Variants in SMYD3 observed in about 807,000 individuals in gnomAD.
The protein encoded by SMYD3 is SET and MYND domain containing 3, also known as histone-lysine N-methyltransferase SMYD3.
Under a neutral mutation model 57.7 loss-of-function variants are expected in SMYD3, and 36 were observed. The observed-to-expected ratio is 0.62, with a 90% CI of 0.48 to 0.82. The LOEUF (loss-of-function observed/expected upper bound fraction) is 0.82, where lower values mean the gene tolerates loss of function less well. SMYD3 is among the 40% of genes least tolerant of loss of function. The pLI, the probability that SMYD3 is intolerant of heterozygous loss-of-function variation, is 0.00. For missense variants in SMYD3, 515 were observed against 538.8 expected (o/e 0.96, Z 0.44); for synonymous variants, 211 against 195.0 (o/e 1.08, Z -0.68).
chr1:245,956,834 A>G (rs938265636), intron 5 of SMYD3, among the ~76,000 whole-genome samples: 15 of 152,204 alleles, frequency 9.9e-5, no homozygotes, highest in African/African-American at 3.4e-4. Context: ...TTTGTCTCTC[A>G]CTATGCCATC....
At position 246,457,426 on chromosome 1, in the gene SMYD3, G is replaced by A. The variant is rs572468191; in HGVS notation, c.164+49628C>T. On this transcript the variant is annotated intron_variant, in intron 1 of 11. Coordinates refer to ENST00000490107, the MANE Select transcript of SMYD3 (RefSeq NM_001167740.2). Reference sequence around the variant, plus strand: ...CAGGCACCTGTAATCCCAGCTAATCGGGAGGCTGAGGCAGGAGAATCACTT... The same window carrying A: ...CAGGCACCTGTAATCCCAGCTAATCAGGAGGCTGAGGCAGGAGAATCACTT... Among the ~76,000 whole-genome samples, 10 of 151,230 alleles carry A rather than the reference G, an allele frequency of 6.6e-5. No homozygotes were observed. The East Asian group carries it at 1.8e-3, about 27-fold the overall frequency.
chr1:246,368,805 T>A (rs1402240307), intron 1 of SMYD3, among the ~76,000 whole-genome samples: 1 of 152,206 alleles, frequency 6.6e-6, no homozygotes, highest in Admixed American at 6.5e-5. Flanking sequence ...ACCTACACCT[T>A]TCTCCCATGC....
rs1005174967 is a variant in SMYD3, at chr1:245,788,184, G to A, written c.1077-24035C>T. ...GGTGACCAGACTAGCACAGGGAACA[G>A]GGCAAGGAGAATGGTGACCAGATTA... On this transcript the variant is annotated intron_variant, in intron 10 of 11. Coordinates refer to ENST00000490107, the MANE Select transcript of SMYD3 (RefSeq NM_001167740.2). Among the ~76,000 whole-genome samples the A allele has an allele frequency of 1.3e-5, 2 of 151,966 alleles. 1 individual carries two copies. The highest frequency in any genetic ancestry group is 4.2e-4 in the South Asian group (2 of 4,812).
At chr1:245,813,758 T>C (rs111580208) in intron 10 of SMYD3, among the ~76,000 whole-genome samples, 7 of 152,162 alleles carry the variant, frequency 4.6e-5, no homozygotes, top group African/African-American at 1.7e-4. Context: ...AAGGGACTAG[T>C]GGAGGAGCTG....
chr1:246,323,321 G>A (rs1351008638), intron 5 of SMYD3, among the ~76,000 whole-genome samples: 3 of 152,162 alleles, frequency 2.0e-5, no homozygotes, highest in African/African-American at 7.2e-5. Context: ...GCTAAGAAGT[G>A]GGGTGAAAAG....
chr1:246,500,571 G>A (rs969701301), intron 1 of SMYD3, among the ~76,000 whole-genome samples: 1 of 152,208 alleles, frequency 6.6e-6, no homozygotes, highest in Non-Finnish European at 1.5e-5. Flanking sequence ...TCCTGAAGAT[G>A]TGTTGCCATT....
intron 1 of SMYD3, among the ~76,000 whole-genome samples, chr1:246,442,077 C>T (rs1019441138): frequency 2.0e-5 from 3 of 152,204 alleles, no homozygotes; most frequent in African/African-American, 7.2e-5. Context: ...AATTTATTCA[C>T]CACCATGAAC....
intron 5 of SMYD3, among the ~76,000 whole-genome samples, chr1:246,000,742 C>T (rs971946580): frequency 6.6e-6 from 1 of 152,188 alleles, no homozygotes; most frequent in African/African-American, 2.4e-5. Flanking sequence ...GCCTACAAGC[C>T]TTACACTCAT....
chr1:246,495,705 C>A (rs2068350177), intron 1 of SMYD3, among the ~76,000 whole-genome samples: 2 of 152,022 alleles, frequency 1.3e-5, no homozygotes, highest in Admixed American at 6.6e-5. Flanking sequence ...CTTTGGGAGG[C>A]CAAGGCAGGG....
chr1:246,274,252 C>T (rs2064285925), intron 5 of SMYD3, among the ~76,000 whole-genome samples: 1 of 152,184 alleles, frequency 6.6e-6, no homozygotes, highest in Non-Finnish European at 1.5e-5. Flanking sequence ...TGTTAGAGAA[C>T]ATATCGTGAG....
intron 5 of SMYD3, among the ~76,000 whole-genome samples, chr1:246,236,789 G>T (rs1440084180): frequency 6.6e-6 from 1 of 152,182 alleles, no homozygotes; most frequent in Admixed American, 6.5e-5. Flanking sequence ...TGGGACTACA[G>T]GTGTGAGCCA....
At chr1:245,952,981 A>T (rs2057712779) in intron 5 of SMYD3, among the ~76,000 whole-genome samples, 1 of 152,196 alleles carries the variant, frequency 6.6e-6, no homozygotes, top group South Asian at 2.1e-4. Flanking sequence ...AAAATACTAG[A>T]TTCCAAACAG....
intron 5 of SMYD3, among the ~76,000 whole-genome samples, chr1:245,994,779 A>C (rs1320496548): frequency 6.6e-6 from 1 of 151,824 alleles, no homozygotes; most frequent in African/African-American, 2.4e-5. Context: ...GAGACTGAGA[A>C]AGTAAGAGAT....
chr1:246,166,578 C>T (rs1431196456), intron 5 of SMYD3, among the ~76,000 whole-genome samples: 1 of 152,100 alleles, frequency 6.6e-6, no homozygotes, highest in Non-Finnish European at 1.5e-5. Flanking sequence ...GCTGTTGGTT[C>T]CTGGAGTCTC....
At chr1:246,213,861 C>G (rs1022719751) in intron 5 of SMYD3, among the ~76,000 whole-genome samples, 2 of 152,170 alleles carry the variant, frequency 1.3e-5, no homozygotes, top group Admixed American at 1.3e-4. Flanking sequence ...ACAGTTCTTT[C>G]TCTTCCTTCA....
At chr1:245,791,519 G>A (rs2047264623) in intron 10 of SMYD3, among the ~76,000 whole-genome samples, 1 of 151,654 alleles carries the variant, frequency 6.6e-6, no homozygotes, top group Non-Finnish European at 1.5e-5. Context: ...GAACAGAGCT[G>A]TGGAGCACGG....
chr1:246,485,551 GC>G (rs1461520089), intron 1 of SMYD3, among the ~76,000 whole-genome samples: 1 of 152,078 alleles, frequency 6.6e-6, no homozygotes, highest in Non-Finnish European at 1.5e-5. Flanking sequence ...GGAGGCTGAT[GC>G]AAGAGGATCA....
intron 7 of SMYD3, among the ~76,000 whole-genome samples, chr1:245,917,736 T>C (rs1471300514): frequency 6.6e-6 from 1 of 152,220 alleles, no homozygotes; most frequent in Non-Finnish European, 1.5e-5. Flanking sequence ...TGTACCAGAC[T>C]GTAGAAATTA....
intron 1 of SMYD3, among the ~76,000 whole-genome samples, chr1:246,403,601 G>A (rs371891716): frequency 1.3e-5 from 2 of 152,150 alleles, no homozygotes; most frequent in Non-Finnish European, 2.9e-5. Context: ...TCTAACAGTA[G>A]TATAAGAGAA....
Sources: gnomAD v4.1 joint callset for allele counts (sites outside exome capture counted in the v4.1 genomes callset) on GRCh38, gnomAD v4.1.1 for gene constraint, MANE v1.5 for transcripts, NCBI Gene and HGNC (gene_info 2026-07-23, HGNC 2026-07-21) for gene names.